Variants in LOC128125817 observed in about 807,000 individuals in gnomAD.
At chr1:41,622,567 G>T in the LOC128125817 span, among the ~76,000 whole-genome samples, 2 of 152,198 alleles carry the variant, frequency 1.3e-5, no homozygotes, top group African/African-American at 4.8e-5. Context: ...ATCTGTGGTT[G>T]CTTCCAGGCT....
the LOC128125817 span, among the ~76,000 whole-genome samples, chr1:41,621,969 C>T: frequency 2.0e-4 from 31 of 152,338 alleles, 1 homozygote; most frequent in East Asian, 5.0e-3. Flanking sequence ...TCAGTTAGGG[C>T]CAAACACACA....
chr1:41,606,943 C>A, the LOC128125817 span, among the ~76,000 whole-genome samples: 1 of 151,888 alleles, frequency 6.6e-6, no homozygotes, highest in Admixed American at 6.6e-5. Context: ...GCCCTAAAGT[C>A]AGTATGATCT....
the LOC128125817 span, among the ~76,000 whole-genome samples, chr1:41,600,266 T>C: frequency 1.3e-5 from 2 of 152,172 alleles, no homozygotes; most frequent in African/African-American, 4.8e-5. Context: ...TATGTGTACA[T>C]CTATGTTCAT....
the LOC128125817 span, among the ~76,000 whole-genome samples, chr1:41,604,262 C>A: frequency 6.6e-6 from 1 of 152,084 alleles, no homozygotes. Context: ...GCCAAAAAAA[C>A]TGGAAACAGC....
the LOC128125817 span, among the ~76,000 whole-genome samples, chr1:41,602,632 CT>C: frequency 6.6e-6 from 1 of 151,576 alleles, no homozygotes; most frequent in Non-Finnish European, 1.5e-5. Flanking sequence ...CTCTTTTTTT[CT>C]AGCATAGCTA....
the LOC128125817 span, among the ~76,000 whole-genome samples, chr1:41,589,187 C>T: frequency 6.6e-6 from 1 of 152,288 alleles, no homozygotes; most frequent in African/African-American, 2.4e-5. Flanking sequence ...GAGAAATGGG[C>T]CCAGGAGCTG....
At chr1:41,588,735 C>T in the LOC128125817 span, among the ~76,000 whole-genome samples, 7 of 152,154 alleles carry the variant, frequency 4.6e-5, no homozygotes, top group Admixed American at 6.5e-5. Flanking sequence ...GCAGAGTGAG[C>T]GAGGCCTGTG....
chr1:41,627,069 G>A, the LOC128125817 span, among the ~76,000 whole-genome samples: 3 of 152,210 alleles, frequency 2.0e-5, no homozygotes, highest in East Asian at 3.8e-4. Flanking sequence ...ATCGGTCCCC[G>A]TGCTTCAGCC....
At chr1:41,626,751 G>A in the LOC128125817 span, among the ~76,000 whole-genome samples, 2,368 of 152,240 alleles carry the variant, frequency 0.016, 60 homozygotes, top group African/African-American at 0.054. Context: ...CCAGGATGCC[G>A]AGCCAGGGGC....
At chr1:41,599,926 C>CTT in the LOC128125817 span, among the ~76,000 whole-genome samples, 1 of 152,032 alleles carries the variant, frequency 6.6e-6, no homozygotes, top group African/African-American at 2.4e-5. Context: ...AGACGTTTCT[C>CTT]CAAAGAAGAT....
chr1:41,603,577 C>T, the LOC128125817 span, among the ~76,000 whole-genome samples: 2 of 152,258 alleles, frequency 1.3e-5, no homozygotes, highest in Admixed American at 1.3e-4. Context: ...CCAAGCTGGT[C>T]TTGAACTCCT....
chr1:41,623,722 C>T, the LOC128125817 span, among the ~76,000 whole-genome samples: 1 of 152,224 alleles, frequency 6.6e-6, no homozygotes, highest in Non-Finnish European at 1.5e-5. Flanking sequence ...ATCCAGGGAA[C>T]CTGACATCCA....
chr1:41,589,824 A>C, the LOC128125817 span, among the ~76,000 whole-genome samples: 59 of 152,068 alleles, frequency 3.9e-4, 1 homozygote, highest in South Asian at 6.2e-4. Flanking sequence ...ACACACACAC[A>C]CCCCCACATA....
the LOC128125817 span, among the ~76,000 whole-genome samples, chr1:41,617,462 G>A: frequency 6.6e-6 from 1 of 152,222 alleles, no homozygotes; most frequent in South Asian, 2.1e-4. Context: ...GTTGAGGACA[G>A]CAAGTCTGTC....
the LOC128125817 span, among the ~76,000 whole-genome samples, chr1:41,588,351 A>G: frequency 6.6e-6 from 1 of 152,122 alleles, no homozygotes; most frequent in Admixed American, 6.5e-5. Flanking sequence ...GATGGATGGG[A>G]CCCTGCAGCA....
At chr1:41,606,094 C>T in the LOC128125817 span, among the ~76,000 whole-genome samples, 4,116 of 149,872 alleles carry the variant, frequency 0.027, 300 homozygotes, top group African/African-American at 0.098. Flanking sequence ...ACCGTCCTCA[C>T]TTGGTTATGG....
At chr1:41,592,450 G>C in the LOC128125817 span, among the ~76,000 whole-genome samples, 2 of 152,212 alleles carry the variant, frequency 1.3e-5, no homozygotes, top group Non-Finnish European at 2.9e-5. Flanking sequence ...GTTTGCTCAG[G>C]CTGGCTGCAA....
At chr1:41,620,059 G>T in the LOC128125817 span, among the ~76,000 whole-genome samples, 1 of 152,238 alleles carries the variant, frequency 6.6e-6, no homozygotes, top group East Asian at 1.9e-4. Context: ...ATGAATAAAA[G>T]AAATGGAAGG....
At chr1:41,588,868 C>T in the LOC128125817 span, among the ~76,000 whole-genome samples, 122 of 152,010 alleles carry the variant, frequency 8.0e-4, no homozygotes, top group African/African-American at 2.8e-3. Context: ...CCTGCTCTAC[C>T]ACACCATGAC....
Sources: gnomAD v4.1 joint callset for allele counts (sites outside exome capture counted in the v4.1 genomes callset) on GRCh38, gnomAD v4.1.1 for gene constraint, MANE v1.5 for transcripts.